CABIN1: variants seen among roughly 807,000 people sequenced by gnomAD.
CABIN1 encodes calcineurin binding protein 1, also known as calcineurin-binding protein cabin-1.
In CABIN1, 133 loss-of-function variants were observed where a neutral mutation model predicts 227.7. That is an observed-to-expected ratio of 0.58 (90% CI 0.51 to 0.67). CABIN1 has a LOEUF of 0.67. Among genes scored for constraint, CABIN1 ranks in the 30% least tolerant of loss-of-function variants. The pLI is 0.00. For synonymous variants in CABIN1, 1,086 were observed against 1,155.1 expected, an observed-to-expected ratio of 0.94 and a Z score of 1.21; for missense variants, 2,408 against 2,852.5, an observed-to-expected ratio of 0.84 and a Z score of 3.55.
intron 26 of CABIN1, among the ~76,000 whole-genome samples, chr22:24,108,537 T>C (rs1286082349): frequency 6.6e-6 from 1 of 152,206 alleles, no homozygotes; most frequent in Non-Finnish European, 1.5e-5. Context: ...TCAGGGGTCT[T>C]ATACACGTCC....
At chr22:24,150,420 G>A (rs2045411715) in intron 29 of CABIN1, among the ~76,000 whole-genome samples, 2 of 152,306 alleles carry the variant, frequency 1.3e-5, no homozygotes, top group South Asian at 4.1e-4. Flanking sequence ...GCAGCGTGAG[G>A]GTCCCTCATG....
intron 6 of CABIN1, among the ~76,000 whole-genome samples, chr22:24,047,772 A>G (rs2038012003): frequency 6.6e-6 from 1 of 151,990 alleles, no homozygotes. Context: ...GTTGCTTCTC[A>G]CTCCTAGGTG....
At position 24,067,145 on chromosome 22, in the gene CABIN1, C is replaced by A. The variant is rs773761778; in HGVS notation, c.2196C>A (p.Ser732=). Residue 732 remains serine (S), a synonymous_variant, in exon 16 of 37, where the codon TCC becomes TCA. Transcript: ENST00000263119. The part of the protein sequence containing the change: ...DRAKHLEFMT[S]IPERPAQLLL... ...CCAAACACCTGGAGTTTATGACTTCCATTCCTGAGAGGCCAGCCCAGCTGC... is the reference window on the plus strand; with the variant it reads ...CCAAACACCTGGAGTTTATGACTTCAATTCCTGAGAGGCCAGCCCAGCTGC... 5.0e-6 allele frequency: 8 copies of A among 1,614,156 alleles called. No homozygotes were observed. In the East Asian group the frequency reaches 1.8e-4, roughly 36 times the overall value.
At position 24,167,437 on chromosome 22, in the gene CABIN1, A is replaced by C. The variant is rs1035745832; in HGVS notation, c.5682+124A>C. ...GGCGGGTTTTAGGTGTTGTTCCCAC[A>C]CCATCCCTGCTGTTCACTTTCTGCA... On this transcript the variant is annotated intron_variant, in intron 32 of 36. Coordinates refer to ENST00000263119, the MANE Select transcript of CABIN1 (RefSeq NM_012295.4). 6.2e-6 allele frequency: 5 copies of C among 800,674 alleles called. No individual in the cohort carries two copies. In the African/African-American group the frequency reaches 8.5e-5, roughly 14 times the overall value. 49.6% of individuals were successfully genotyped at this position (800,674 alleles called of 1,614,324 possible).
At chr22:24,077,539 C>G (rs1451963473) in intron 19 of CABIN1, among the ~76,000 whole-genome samples, 1 of 152,210 alleles carries the variant, frequency 6.6e-6, no homozygotes, top group African/African-American at 2.4e-5. Flanking sequence ...GCTCCAGATG[C>G]CTGAATGTCT....
intron 28 of CABIN1, among the ~76,000 whole-genome samples, chr22:24,129,690 C>A (rs186108862): frequency 1.3e-5 from 2 of 152,328 alleles, no homozygotes; most frequent in Admixed American, 1.3e-4. Flanking sequence ...AGACAGCAGA[C>A]CCATCTGCGA....
chr22:24,050,248 A>G lies in CABIN1; in HGVS notation c.657-577A>G, dbSNP rs148845091. 8.3e-4 allele frequency among the ~76,000 whole-genome samples: 126 copies of G among 152,332 alleles called. 1 individual carries two copies. Among genetic ancestry groups the G allele is most frequent in the African/African-American group, 2.9e-3 (119 of 41,584 alleles). On this transcript the variant is annotated intron_variant, in intron 7 of 36. Coordinates refer to ENST00000263119, the MANE Select transcript of CABIN1 (RefSeq NM_012295.4). Reference sequence around the variant, plus strand: ...GGAGCTAACCTTGAGGGAGACAGATAAGAAGCACATGAAACAGATAAATTC... The same window carrying G: ...GGAGCTAACCTTGAGGGAGACAGATGAGAAGCACATGAAACAGATAAATTC...
chr22:24,040,133 ATTC>A (rs1388100645), intron 4 of CABIN1, among the ~76,000 whole-genome samples: 1 of 152,226 alleles, frequency 6.6e-6, no homozygotes, highest in Admixed American at 6.5e-5. Context: ...TGTTCCCACT[ATTC>A]TTTGAAGAGT....
chr22:24,057,727 A>T (rs1256796052), intron 10 of CABIN1, among the ~76,000 whole-genome samples: 1 of 152,224 alleles, frequency 6.6e-6, no homozygotes, highest in Non-Finnish European at 1.5e-5. Flanking sequence ...TTCTGAGGTG[A>T]AGGTGAAATG....
chr22:24,039,577 G>A (rs1483668146), intron 4 of CABIN1, among the ~76,000 whole-genome samples: 1 of 152,210 alleles, frequency 6.6e-6, no homozygotes, highest in African/African-American at 2.4e-5. Flanking sequence ...TTATGGACCA[G>A]TTGGTGGGCA....
At position 24,178,236 on chromosome 22, in the gene CABIN1, GCCA is replaced by G; in HGVS notation, c.*41_*43del. Reference sequence around the variant, plus strand: ...CCCACCGCCACGCCCCAGGGGACCAGCCAGGCCTGGAATGCCCCCTGGGCAGGA... The same window carrying G: ...CCCACCGCCACGCCCCAGGGGACCAGGGCCTGGAATGCCCCCTGGGCAGGA... On this transcript the variant is annotated 3_prime_UTR_variant, in exon 37 of 37. Transcript: ENST00000263119. 6.2e-7 allele frequency: 1 copy of G among 1,610,894 alleles called. No individual in the cohort carries two copies.
intron 23 of CABIN1, 93 bp from the exon 24 acceptor site, chr22:24,091,490 G>T (rs2041536819): frequency 1.3e-6 from 2 of 1,514,468 alleles, no homozygotes; most frequent in Non-Finnish European, 1.8e-6. Flanking sequence ...GTATAAACTT[G>T]CAAATAGGTC....
At chr22:24,142,933 A>G (rs1277903988) in intron 29 of CABIN1, among the ~76,000 whole-genome samples, 2 of 152,032 alleles carry the variant, frequency 1.3e-5, no homozygotes, top group Non-Finnish European at 2.9e-5. Context: ...AGTTGTGACC[A>G]ATTTTCATGC....
In CABIN1 at chr22:24,177,903, G is replaced by T; in HGVS notation, c.6519+86G>T. 1.3e-6 allele frequency: 2 copies of T among 1,505,110 alleles called. No individual in the cohort carries two copies. The highest frequency in any genetic ancestry group is 2.4e-5 in the South Asian group (2 of 84,318). 93.2% of individuals were successfully genotyped at this position (1,505,110 alleles called of 1,614,324 possible). On this transcript the variant is annotated intron_variant, in intron 36 of 36. Coordinates refer to ENST00000263119, the MANE Select transcript of CABIN1 (RefSeq NM_012295.4). This position sits in a 1 kb window ranked among gnomAD's most constrained non-coding sequence, Gnocchi z 4.4. Reference sequence around the variant, plus strand: ...CCTAGGATGGGGGTGGGGGTGGCAGGAGGGCCTGGGGTGTGGGTGAGGATG... The same window carrying T: ...CCTAGGATGGGGGTGGGGGTGGCAGTAGGGCCTGGGGTGTGGGTGAGGATG...
Position 24,059,023 on chromosome 22 carries a change from C to T in CABIN1, c.1263-204C>T, listed in dbSNP as rs373171725. Among the ~76,000 whole-genome samples, 35 of 152,314 alleles carry T rather than the reference C, an allele frequency of 2.3e-4. No individual in the cohort carries two copies. The South Asian group carries it at 6.8e-3, about 30-fold the overall frequency. ...ATCATCTGTTGATGAGATGAATGACCGAGACAGGATACAGACCAAATGCTG... is the reference window on the plus strand; with the variant it reads ...ATCATCTGTTGATGAGATGAATGACTGAGACAGGATACAGACCAAATGCTG... On this transcript the variant is annotated intron_variant, in intron 10 of 36. Transcript: ENST00000263119.
intron 13 of CABIN1, 87 bp from the exon 14 acceptor site, chr22:24,062,872 T>G: frequency 1.5e-6 from 2 of 1,293,528 alleles, no homozygotes; most frequent in Non-Finnish European, 2.3e-6. Flanking sequence ...AGGGTGGGTG[T>G]GGTTAGGGCC....
chr22:24,021,778 A>G (rs993890119), intron 1 of CABIN1, among the ~76,000 whole-genome samples: 10 of 152,148 alleles, frequency 6.6e-5, no homozygotes, highest in African/African-American at 2.4e-4. Context: ...TCTGCCTCCC[A>G]GGTTCAAGCG....
chr22:24,071,550 T>A (rs1007168916), intron 17 of CABIN1, among the ~76,000 whole-genome samples: 8 of 152,182 alleles, frequency 5.3e-5, no homozygotes, highest in African/African-American at 1.7e-4. Context: ...ATCTATATCC[T>A]CACCCCTCCA....
Position 24,167,131 on chromosome 22 carries a change from G to A in CABIN1, c.5500G>A (p.Gly1834Ser). 3 of 1,583,910 alleles carry A rather than the reference G, an allele frequency of 1.9e-6. No individual in the cohort carries two copies. Among genetic ancestry groups the A allele is most frequent in the Non-Finnish European group, 2.6e-6 (3 of 1,167,064 alleles). The change falls in exon 32 of 37, where the codon GGC becomes AGC. Residue 1834 changes from glycine to serine, a missense_variant. By Grantham distance (56) the Gly-to-Ser change is moderately conservative. Coordinates refer to ENST00000263119, the MANE Select transcript of CABIN1 (RefSeq NM_012295.4). Reference protein sequence around the residue: ...PATTTGTRAGGHPEEPLSRLS... With the variant: ...PATTTGTRAGSHPEEPLSRLS... The stretch of plus-strand genomic sequence containing the variant: ...CACCACCACAGGGACCAGGGCAGGG[G>A]GCCACCCGGAGGAGCCGCTCTCCCG...
Sources: allele counts gnomAD v4.1 joint callset (sites outside exome capture counted in the v4.1 genomes callset), GRCh38; gene constraint gnomAD v4.1.1; non-coding constraint Gnocchi (gnomAD v3.1); transcripts MANE v1.5; gene names NCBI Gene and HGNC (gene_info 2026-07-23, HGNC 2026-07-21).